RABGAP1L: variants seen among roughly 807,000 people sequenced by gnomAD.
The protein encoded by RABGAP1L is rab GTPase-activating protein 1-like.
Under a neutral mutation model 137.7 loss-of-function variants are expected in RABGAP1L, and 63 were observed. The observed-to-expected ratio is 0.46, with a 90% CI of 0.37 to 0.56. The LOEUF (loss-of-function observed/expected upper bound fraction) is 0.56. Ranked by LOEUF, RABGAP1L falls within the 20% of genes least tolerant of loss-of-function variation. The pLI is 0.00. For synonymous variants in RABGAP1L, 431 were observed against 433.7 expected, an observed-to-expected ratio of 0.99 and a Z score of 0.08; for missense variants, 1,095 against 1,244.0, an observed-to-expected ratio of 0.88 and a Z score of 1.80.
intron 15 of RABGAP1L, among the ~76,000 whole-genome samples, chr1:174,695,005 GA>G (rs1229877059): frequency 6.6e-6 from 1 of 152,170 alleles, no homozygotes; most frequent in African/African-American, 2.4e-5. Flanking sequence ...CTTCTTTTGA[GA>G]AGTGTCTCTT....
chr1:174,951,399 G>T (rs1667683656), intron 19 of RABGAP1L, among the ~76,000 whole-genome samples: 2 of 152,166 alleles, frequency 1.3e-5, no homozygotes, highest in South Asian at 2.1e-4. Flanking sequence ...TCATGGAGTT[G>T]CTGGCAGGAT....
chr1:174,438,030 G>A (rs989088015), intron 13 of RABGAP1L, among the ~76,000 whole-genome samples: 156 of 152,164 alleles, frequency 1.0e-3, no homozygotes, highest in African/African-American at 3.4e-3. Flanking sequence ...GAGAGATTTT[G>A]TCACCACCAG....
chr1:174,654,028 T>C (rs1006759063), intron 14 of RABGAP1L, among the ~76,000 whole-genome samples: 2 of 152,162 alleles, frequency 1.3e-5, no homozygotes, highest in Admixed American at 6.5e-5. Context: ...GGAGAGCCAT[T>C]GGATCACAAC....
At chr1:174,743,971 T>G (rs1041709427) in intron 17 of RABGAP1L, among the ~76,000 whole-genome samples, 6 of 151,580 alleles carry the variant, frequency 4.0e-5, no homozygotes, top group African/African-American at 1.5e-4. Flanking sequence ...AGTCATCCTT[T>G]TTTTTTGGTA....
intron 13 of RABGAP1L, among the ~76,000 whole-genome samples, chr1:174,406,940 C>T (rs900348746): frequency 2.6e-5 from 4 of 152,196 alleles, no homozygotes; most frequent in Non-Finnish European, 4.4e-5. Flanking sequence ...CCTGGGATTA[C>T]ACTCCTGTAT....
chr1:174,849,230 A>G (rs747949423), intron 19 of RABGAP1L, among the ~76,000 whole-genome samples: 3 of 152,124 alleles, frequency 2.0e-5, no homozygotes, highest in African/African-American at 4.8e-5. Flanking sequence ...AGCTGTTCCT[A>G]TTCGGCCATC....
At chr1:174,524,845 T>C (rs890587499) in intron 13 of RABGAP1L, among the ~76,000 whole-genome samples, 4 of 147,822 alleles carry the variant, frequency 2.7e-5, no homozygotes, top group Non-Finnish European at 6.0e-5. Context: ...TGGTCCAGTT[T>C]CATTCTTTGG....
chr1:174,315,146 CT>C (rs1679247504), intron 11 of RABGAP1L, among the ~76,000 whole-genome samples: 1 of 151,992 alleles, frequency 6.6e-6, no homozygotes. Context: ...ATAATATTTG[CT>C]TTGTATATCT....
chr1:174,603,189 A>G (rs1321990419), intron 13 of RABGAP1L, among the ~76,000 whole-genome samples: 3 of 152,174 alleles, frequency 2.0e-5, no homozygotes, highest in African/African-American at 7.2e-5. Context: ...AACCAGTAAC[A>G]CTATGACTCT....
At position 174,191,945 on chromosome 1, in the gene RABGAP1L, A is replaced by C. The variant is rs774482774; in HGVS notation, c.-33-27180A>C. On this transcript the variant is annotated intron_variant, in intron 1 of 25. Coordinates refer to ENST00000681986, the MANE Select transcript of RABGAP1L (RefSeq NM_001366446.1). ...GGCCAGACTAAAAATTGGAATTAGA[A>C]TGTAGGACTGAATGCATTTATACTA... is the stretch of plus-strand genomic sequence containing the variant. Among the ~76,000 whole-genome samples the C allele has an allele frequency of 3.8e-4, 58 of 152,202 alleles. 1 individual carries two copies. Among genetic ancestry groups the C allele is most frequent in the Admixed American group, 2.6e-4 (4 of 15,276 alleles).
At chr1:174,527,757 T>C (rs1441303277) in intron 13 of RABGAP1L, among the ~76,000 whole-genome samples, 1 of 152,200 alleles carries the variant, frequency 6.6e-6, no homozygotes. Flanking sequence ...ACTATCGTGT[T>C]GGAGCCTCTG....
chr1:174,615,121 G>T (rs1477083251), intron 13 of RABGAP1L, among the ~76,000 whole-genome samples: 1 of 152,202 alleles, frequency 6.6e-6, no homozygotes, highest in Non-Finnish European at 1.5e-5. Context: ...TTGCTGGTGA[G>T]GAACTGCGTT....
intron 19 of RABGAP1L, chr1:174,896,850 G>A (rs1469472230): frequency 9.2e-5 from 14 of 152,112 alleles, no homozygotes; most frequent in Non-Finnish European, 1.9e-4. Flanking sequence ...TAGCCTTGTA[G>A]TATAGTTTGA....
chr1:174,544,236 C>G (rs185393887), intron 13 of RABGAP1L, among the ~76,000 whole-genome samples: 2 of 152,142 alleles, frequency 1.3e-5, no homozygotes, highest in African/African-American at 4.8e-5. Flanking sequence ...GTACACCAGT[C>G]AGGTGTAGAT....
intron 13 of RABGAP1L, among the ~76,000 whole-genome samples, chr1:174,479,592 C>T (rs534146479): frequency 9.6e-4 from 146 of 152,282 alleles, no homozygotes; most frequent in African/African-American, 3.4e-3. Flanking sequence ...AGTGAAAAGC[C>T]CATCTGAAAG....
intron 19 of RABGAP1L, among the ~76,000 whole-genome samples, chr1:174,952,673 C>A (rs1269990760): frequency 2.0e-5 from 3 of 152,058 alleles, no homozygotes; most frequent in Non-Finnish European, 4.4e-5. Context: ...TCATTGCAAC[C>A]CAGCCTCCCA....
At chr1:174,610,172 A>G (rs1224516361) in intron 13 of RABGAP1L, among the ~76,000 whole-genome samples, 1 of 150,430 alleles carries the variant, frequency 6.6e-6, no homozygotes, top group Admixed American at 6.6e-5. Context: ...GTCATTTAGC[A>G]TTAGGTATAT....
At chr1:174,926,827 C>T (rs1662915849) in intron 19 of RABGAP1L, among the ~76,000 whole-genome samples, 1 of 151,948 alleles carries the variant, frequency 6.6e-6, no homozygotes, top group Admixed American at 6.6e-5. Context: ...GTAATCCCAG[C>T]ACTTTGGGAG....
In RABGAP1L at chr1:174,278,537, A is replaced by G. The variant is rs538655021; in HGVS notation, c.1157-76A>G. 75 of 1,165,694 alleles carry G rather than the reference A, an allele frequency of 6.4e-5. No individual in the cohort carries two copies. The African/African-American group carries it at 1.0e-3, about 16-fold the overall frequency. The allele number at this position is 1,165,694 out of a possible 1,614,324, so 72.2% of individuals were successfully genotyped here. ...AATTGTAAAGAACTTTAATTCTTTC[A>G]TAAGTGAGGAAACTTTGTTTAAAGT... On this transcript the variant is annotated intron_variant, in intron 9 of 25. Transcript: ENST00000681986.
Sources: gnomAD v4.1 joint callset for allele counts (sites outside exome capture counted in the v4.1 genomes callset) on GRCh38, gnomAD v4.1.1 for gene constraint, MANE v1.5 for transcripts, NCBI Gene and HGNC (gene_info 2026-07-23, HGNC 2026-07-21) for gene names.